TJP1: variants seen among roughly 807,000 people sequenced by gnomAD.
TJP1 encodes the protein tight junction protein ZO-1.
In TJP1, 43 loss-of-function variants were observed where a neutral mutation model predicts 194.2. That is an observed-to-expected ratio of 0.22 (90% CI 0.17 to 0.29). The LOEUF is 0.29. TJP1 is among the 10% of genes least tolerant of loss of function. The pLI is 1.00. For synonymous variants in TJP1, 801 were observed against 779.0 expected, an observed-to-expected ratio of 1.03 and a Z score of -0.47; for missense variants, 1,971 against 2,185.7, an observed-to-expected ratio of 0.90 and a Z score of 1.96.
intron 2 of TJP1, among the ~76,000 whole-genome samples, chr15:29,944,619 A>T (rs2055210941): frequency 6.6e-6 from 1 of 152,212 alleles, no homozygotes; most frequent in Non-Finnish European, 1.5e-5. Context: ...TACACGAAAC[A>T]GCTAATTTTT....
At chr15:29,764,011 T>C (rs1418806833) in intron 5 of TJP1, among the ~76,000 whole-genome samples, 1 of 152,172 alleles carries the variant, frequency 6.6e-6, no homozygotes, top group Non-Finnish European at 1.5e-5. Context: ...AAAATATTTC[T>C]TGTATATTAG....
chr15:29,745,594 GA>G (rs1254097537), intron 8 of TJP1, among the ~76,000 whole-genome samples: 1 of 152,128 alleles, frequency 6.6e-6, no homozygotes, highest in Non-Finnish European at 1.5e-5. Context: ...ACTTACATTT[GA>G]AACACAGCTA....
chr15:29,791,791 C>T (rs1567036717), intron 2 of TJP1, among the ~76,000 whole-genome samples: 1 of 152,052 alleles, frequency 6.6e-6, no homozygotes, highest in Non-Finnish European at 1.5e-5. Context: ...TTTGTTATTG[C>T]CTGTCTTTTT....
chr15:29,827,964 A>G (rs923270085), intron 2 of TJP1, among the ~76,000 whole-genome samples: 4 of 152,084 alleles, frequency 2.6e-5, no homozygotes, highest in Non-Finnish European at 5.9e-5. Flanking sequence ...CCCCACTTTA[A>G]TTTCACAAGT....
intron 2 of TJP1, among the ~76,000 whole-genome samples, chr15:29,873,296 G>A (rs2052588862): frequency 6.6e-6 from 1 of 152,158 alleles, no homozygotes; most frequent in Non-Finnish European, 1.5e-5. Context: ...ACACTTGTGG[G>A]AAATTCTCTC....
chr15:29,800,852 A>C (rs560144116), intron 1 of TJP1, 150 bp from the exon 2 acceptor site: 2 of 725,166 alleles, frequency 2.8e-6, no homozygotes, highest in African/African-American at 1.8e-5. Context: ...ATAATTATGG[A>C]AAGTTTTTTG....
At chr15:29,824,747 T>C (rs1046039982), upstream of TJP1, among the ~76,000 whole-genome samples, 1 of 152,224 alleles carries the variant, frequency 6.6e-6, no homozygotes, top group African/African-American at 2.4e-5. Flanking sequence ...AGCACCTAAA[T>C]CTAGAGACAC....
At chr15:29,935,236 T>G (rs1409869283) in intron 2 of TJP1, among the ~76,000 whole-genome samples, 1 of 152,236 alleles carries the variant, frequency 6.6e-6, no homozygotes, top group Non-Finnish European at 1.5e-5. Context: ...ATCTTTTTCT[T>G]TCAAGCGTTC....
intron 8 of TJP1, among the ~76,000 whole-genome samples, chr15:29,749,099 CT>C (rs1034366674): frequency 8.0e-5 from 12 of 150,622 alleles, no homozygotes; most frequent in African/African-American, 2.7e-4. Flanking sequence ...TCAAGATCCT[CT>C]TATGGGCACT....
chr15:29,897,668 G>C (rs138399651), intron 2 of TJP1, among the ~76,000 whole-genome samples: 8,606 of 152,234 alleles, frequency 0.057, 291 homozygotes, highest in South Asian at 0.12. Context: ...AAAAGCCACA[G>C]GGACAGAGCT....
At chr15:29,828,901 G>A (rs1473968784) in intron 2 of TJP1, among the ~76,000 whole-genome samples, 1 of 151,800 alleles carries the variant, frequency 6.6e-6, no homozygotes, top group African/African-American at 2.4e-5. Context: ...GCCTGGCTAG[G>A]TTTTTTGTTT....
chr15:29,930,914 G>A (rs2054687638), intron 2 of TJP1, among the ~76,000 whole-genome samples: 1 of 152,132 alleles, frequency 6.6e-6, no homozygotes. Flanking sequence ...CTAGACATGA[G>A]CATAAAAATA....
chr15:29,909,065 G>A lies in TJP1; in HGVS notation c.306+47167C>T, dbSNP rs188003386. 2.9e-4 allele frequency among the ~76,000 whole-genome samples: 44 copies of A among 151,550 alleles called. No individual in the cohort carries two copies. The East Asian group carries it at 5.3e-3, about 18-fold the overall frequency. ...CCAGCTACTCAGGAGGCTGAGGCAGGAGAATGGCATGAACCCAGGAGGCGG... is the reference window on the plus strand; with the variant it reads ...CCAGCTACTCAGGAGGCTGAGGCAGAAGAATGGCATGAACCCAGGAGGCGG... On this transcript the variant is annotated intron_variant, in intron 2 of 28. Transcript: ENST00000356107.
chr15:29,822,594 G>T (rs960299748), upstream of TJP1: 13 of 608,930 alleles, frequency 2.1e-5, no homozygotes, highest in South Asian at 7.1e-5. Context: ...ACGAGCGGCC[G>T]GGGTCCCGAC....
intron 1 of TJP1, among the ~76,000 whole-genome samples, chr15:29,962,092 C>G (rs1187016412): frequency 1.3e-5 from 2 of 152,206 alleles, no homozygotes; most frequent in Non-Finnish European, 2.9e-5. Flanking sequence ...ACATGGGACT[C>G]GGTCCTTAGC....
At chr15:29,718,158 A>G in intron 21 of TJP1, 40 bp from the exon 22 acceptor site, 2 of 1,584,528 alleles carry the variant, frequency 1.3e-6, no homozygotes, top group Non-Finnish European at 1.7e-6. Flanking sequence ...AAATATGCCT[A>G]AGGAACAGAT....
intron 2 of TJP1, among the ~76,000 whole-genome samples, chr15:29,791,709 T>C (rs2048106927): frequency 6.6e-6 from 1 of 152,096 alleles, no homozygotes; most frequent in African/African-American, 2.4e-5. Context: ...CTATTCTTCA[T>C]AGTGACTGTA....
chr15:29,915,113 A>C (rs944641038), intron 2 of TJP1, among the ~76,000 whole-genome samples: 2 of 152,182 alleles, frequency 1.3e-5, no homozygotes, highest in African/African-American at 4.8e-5. Context: ...GAGGAAGGAA[A>C]ATTGTTAAAA....
chr15:29,732,980 C>G (rs528091197), intron 13 of TJP1, 114 bp downstream of exon 13: 8 of 1,288,244 alleles, frequency 6.2e-6, no homozygotes, highest in Non-Finnish European at 8.5e-6. Flanking sequence ...GTTATAGATA[C>G]GTTGAATACA....
Sources: gnomAD v4.1 joint callset for allele counts (sites outside exome capture counted in the v4.1 genomes callset) on GRCh38, gnomAD v4.1.1 for gene constraint, MANE v1.5 for transcripts, NCBI Gene and HGNC (gene_info 2026-07-23, HGNC 2026-07-21) for gene names.